Variants in LRRN2 observed in about 807,000 individuals in gnomAD.
LRRN2 encodes the protein leucine-rich repeat neuronal protein 2.
Under a neutral mutation model 35.7 loss-of-function variants are expected in LRRN2, and 10 were observed. The observed-to-expected ratio is 0.28, with a 90% confidence interval of 0.17 to 0.47. The LOEUF (loss-of-function observed/expected upper bound fraction) is 0.47. Ranked by LOEUF, LRRN2 falls within the 20% of genes least tolerant of loss-of-function variation. The pLI, the probability that LRRN2 is intolerant of heterozygous loss-of-function variation, is 0.99. For missense variants in LRRN2, 731 were observed against 940.3 expected (o/e 0.78, Z 2.91); for synonymous variants, 391 against 409.6 (o/e 0.95, Z 0.55).
intron 1 of LRRN2, among the ~76,000 whole-genome samples, chr1:204,623,274 G>A (rs1156463671): frequency 1.3e-5 from 2 of 152,176 alleles, no homozygotes; most frequent in Non-Finnish European, 2.9e-5. Flanking sequence ...CGCTGAGTCC[G>A]TGCTCAACTG....
intron 1 of LRRN2, among the ~76,000 whole-genome samples, chr1:204,641,783 T>G (rs146962266): frequency 6.6e-6 from 1 of 152,350 alleles, no homozygotes; most frequent in Non-Finnish European, 1.5e-5. Flanking sequence ...GATGTTGCAT[T>G]TGAAAGTGTT....
Position 204,632,784 on chromosome 1 carries a change from A to T in LRRN2, c.-226-12566T>A, listed in dbSNP as rs575108150. Among the ~76,000 whole-genome samples, 11 of 152,010 alleles carry T rather than the reference A, an allele frequency of 7.2e-5. No individual in the cohort carries two copies. In the East Asian group the frequency reaches 2.1e-3, roughly 29 times the overall value. Reference sequence around the variant, plus strand: ...GTCTCTACTAAAAATACAAAAAAAAATTAGCCAGGCGTGGTGGCGGGCGCC... The same window carrying T: ...GTCTCTACTAAAAATACAAAAAAAATTTAGCCAGGCGTGGTGGCGGGCGCC... On this transcript the variant is annotated intron_variant, in intron 1 of 1. Coordinates refer to ENST00000367177, the MANE Select transcript of LRRN2 (RefSeq NM_201630.2).
intron 1 of LRRN2, among the ~76,000 whole-genome samples, chr1:204,646,000 T>C (rs183154755): frequency 6.6e-6 from 1 of 152,290 alleles, no homozygotes; most frequent in East Asian, 1.9e-4. Context: ...CAGTGATTTC[T>C]CTCAGTAACA....
intron 1 of LRRN2, among the ~76,000 whole-genome samples, chr1:204,656,556 T>C (rs1436297197): frequency 6.6e-6 from 1 of 152,230 alleles, no homozygotes; most frequent in Non-Finnish European, 1.5e-5. Flanking sequence ...GCTAAGTTTC[T>C]TGAAAGTCTG....
At chr1:204,665,177 G>T (rs1668550449) in intron 1 of LRRN2, among the ~76,000 whole-genome samples, 1 of 149,398 alleles carries the variant, frequency 6.7e-6, no homozygotes, top group Non-Finnish European at 1.5e-5. Flanking sequence ...GGACGTGAAA[G>T]AAAAAAAAAG....
At chr1:204,679,508 A>G (rs1487605882) in intron 1 of LRRN2, among the ~76,000 whole-genome samples, 2 of 152,226 alleles carry the variant, frequency 1.3e-5, no homozygotes, top group East Asian at 1.9e-4. Context: ...GCTGGTTGCT[A>G]ATAATCACTG....
rs115249830 is a variant in LRRN2, at chr1:204,635,004, T to C, written c.-226-14786A>G. ...TGAGCTGAGAAGTGCTATACAGATA[T>C]GACCTAGGCTCACTGCATAGTGGAA... On this transcript the variant is annotated intron_variant, in intron 1 of 1. Transcript: ENST00000367177. Among the ~76,000 whole-genome samples the C allele has an allele frequency of 4.1e-3, 629 of 152,300 alleles. 6 individuals carry two copies. The highest frequency in any genetic ancestry group is 0.014 in the African/African-American group (599 of 41,560).
Position 204,620,164 on chromosome 1 carries a change from T to G in LRRN2, c.-172A>C. ...CCCTCCTCAATATGCCTTCTCTTCC[T>G]TGTCCTCTGGGGCTGGGCCTGCTCA... On this transcript the variant is annotated 5_prime_UTR_variant, in exon 2 of 2. Coordinates refer to ENST00000367177, the MANE Select transcript of LRRN2 (RefSeq NM_201630.2). 1 of 1,451,150 alleles carries G rather than the reference T, an allele frequency of 6.9e-7. No individual in the cohort carries two copies. Among genetic ancestry groups the G allele is most frequent in the Non-Finnish European group, 9.1e-7 (1 of 1,100,940 alleles). 89.9% of individuals were successfully genotyped at this position (1,451,150 alleles called of 1,614,324 possible). A position where few individuals can be genotyped will look rare whatever the true frequency, so the allele number is the denominator to read the frequency against.
chr1:204,630,046 A>G (rs921674716), intron 1 of LRRN2, among the ~76,000 whole-genome samples: 6 of 152,126 alleles, frequency 3.9e-5, no homozygotes, highest in East Asian at 1.9e-4. Context: ...GCATCATGCA[A>G]TTTTCCTCAG....
chr1:204,685,090 A>T (rs1360550091), intron 1 of LRRN2, among the ~76,000 whole-genome samples: 5 of 151,722 alleles, frequency 3.3e-5, no homozygotes, highest in African/African-American at 1.2e-4. Context: ...TCCCTCTCCC[A>T]AGTCTCCGGC....
intron 1 of LRRN2, among the ~76,000 whole-genome samples, chr1:204,661,554 C>A (rs1400922169): frequency 2.6e-5 from 4 of 152,110 alleles, no homozygotes; most frequent in Admixed American, 2.0e-4. Flanking sequence ...GAAGTGCTGT[C>A]GGGAATCTGC....
chr1:204,625,809 C>T (rs1246522621), intron 1 of LRRN2, among the ~76,000 whole-genome samples: 2 of 152,220 alleles, frequency 1.3e-5, no homozygotes, highest in East Asian at 1.9e-4. Flanking sequence ...GCTATAGCGT[C>T]TTAGAATCTC....
chr1:204,621,907 A>G (rs1325236171), intron 1 of LRRN2: 2 of 167,000 alleles, frequency 1.2e-5, no homozygotes, highest in Non-Finnish European at 2.9e-5. Context: ...ATTGCTCAGG[A>G]CTCTTTGAAG....
intron 1 of LRRN2, among the ~76,000 whole-genome samples, chr1:204,670,102 G>A (rs1668675453): frequency 6.6e-6 from 1 of 152,004 alleles, no homozygotes; most frequent in Admixed American, 6.6e-5. Flanking sequence ...CCATACCAAT[G>A]AGAAGGTGAT....
chr1:204,634,938 C>T (rs964860816), intron 1 of LRRN2, among the ~76,000 whole-genome samples: 2 of 152,114 alleles, frequency 1.3e-5, no homozygotes, highest in African/African-American at 2.4e-5. Context: ...TTTACAGAGA[C>T]GTACAGCTCA....
Position 204,657,368 on chromosome 1 carries a change from G to A in LRRN2, c.-227+27952C>T, listed in dbSNP as rs866096580. ...CACACACACACACACACACACACAC[G>A]CATATATATGGTATATCCATACAAT... On this transcript the variant is annotated intron_variant, in intron 1 of 1. Coordinates refer to ENST00000367177, the MANE Select transcript of LRRN2 (RefSeq NM_201630.2). 2.1e-4 allele frequency among the ~76,000 whole-genome samples: 12 copies of A among 56,624 alleles called. No individual in the cohort carries two copies. In the South Asian group the frequency reaches 2.5e-3, roughly 12 times the overall value. 37.1% of individuals were successfully genotyped at this position (56,624 alleles called of 152,430 possible).
At chr1:204,677,366 C>T (rs2102244096) in intron 1 of LRRN2, among the ~76,000 whole-genome samples, 1 of 152,232 alleles carries the variant, frequency 6.6e-6, no homozygotes, top group Middle Eastern at 3.4e-3. Flanking sequence ...GAGGGCACTA[C>T]CAATGGATCC....
intron 1 of LRRN2, among the ~76,000 whole-genome samples, chr1:204,678,080 C>A (rs939756018): frequency 6.6e-6 from 1 of 152,296 alleles, no homozygotes; most frequent in East Asian, 1.9e-4. Flanking sequence ...GCCGCGCCCC[C>A]CTGAGGAAGC....
intron 1 of LRRN2, among the ~76,000 whole-genome samples, chr1:204,669,501 C>T (rs1558421877): frequency 2.0e-5 from 3 of 152,216 alleles, no homozygotes; most frequent in African/African-American, 7.2e-5. Flanking sequence ...TAAGCCCTAA[C>T]TGTATAATTA....
Sources: allele counts gnomAD v4.1 joint callset (sites outside exome capture counted in the v4.1 genomes callset), GRCh38; gene constraint gnomAD v4.1.1; transcripts MANE v1.5; gene names NCBI Gene and HGNC (gene_info 2026-07-23, HGNC 2026-07-21).